The following GSE1 variants were observed in gnomAD, a reference collection of about 807,000 sequenced individuals.
GSE1 encodes Gse1 coiled-coil protein.
Under a neutral mutation model 112.6 loss-of-function variants are expected in GSE1, and 32 were observed. That is an observed-to-expected ratio of 0.28 (90% CI 0.21 to 0.38). The LOEUF (loss-of-function observed/expected upper bound fraction) is 0.38. Among genes scored for constraint, GSE1 ranks in the 10% least tolerant of loss-of-function variants. The probability of loss-of-function intolerance (pLI) is 1.00; values close to 1 mark genes in which losing one functional copy is unlikely to be tolerated. For synonymous variants in GSE1, 1,115 were observed against 735.6 expected (o/e 1.52, Z -8.35); for missense variants, 2,348 against 1,699.2 (o/e 1.38, Z -6.71).
intron 1 of GSE1, among the ~76,000 whole-genome samples, chr16:85,324,343 C>G (rs1052909334): frequency 2.6e-5 from 4 of 152,088 alleles, no homozygotes; most frequent in African/African-American, 9.7e-5. Flanking sequence ...AACCCCGTCT[C>G]TACTAAAAAT....
chr16:85,617,397 C>G (rs1330303722), intron 1 of GSE1, among the ~76,000 whole-genome samples: 1 of 152,186 alleles, frequency 6.6e-6, no homozygotes, highest in Non-Finnish European at 1.5e-5. Context: ...GCACTTGAGG[C>G]TTTTGTGGGT....
intron 1 of GSE1, among the ~76,000 whole-genome samples, chr16:85,300,385 G>A (rs534969038): frequency 9.2e-5 from 14 of 152,290 alleles, no homozygotes; most frequent in East Asian, 3.9e-4. Context: ...TGTCACCGCC[G>A]TCTAGTTCCC....
At chr16:85,499,668 T>C (rs1381448995) in intron 2 of GSE1, among the ~76,000 whole-genome samples, 1 of 152,182 alleles carries the variant, frequency 6.6e-6, no homozygotes, top group East Asian at 1.9e-4. Flanking sequence ...ACTGTGCACT[T>C]AGAAATGGCA....
chr16:85,466,747 G>C (rs905238720), intron 2 of GSE1, among the ~76,000 whole-genome samples: 6 of 152,212 alleles, frequency 3.9e-5, no homozygotes, highest in African/African-American at 1.4e-4. Context: ...GCGCACAAGA[G>C]AGCAAGAGAG....
intron 1 of GSE1, among the ~76,000 whole-genome samples, chr16:85,316,201 C>T (rs1439893286): frequency 6.6e-6 from 1 of 152,230 alleles, no homozygotes; most frequent in Non-Finnish European, 1.5e-5. Context: ...TTCCTACTAG[C>T]CACGCTTTTA....
chr16:85,170,477 C>A (rs578182204), exon 1 of GSE1: 4 of 985,476 alleles, frequency 4.1e-6, no homozygotes, highest in Non-Finnish European at 3.6e-6. Context: ...GGCTTCTGCA[C>A]CTCCGAGGAC....
chr16:85,442,787 C>T (rs959823506), intron 2 of GSE1, among the ~76,000 whole-genome samples: 1 of 152,170 alleles, frequency 6.6e-6, no homozygotes, highest in Non-Finnish European at 1.5e-5. Flanking sequence ...CCACAAATGC[C>T]GTGGTTGGAA....
chr16:85,482,500 TC>T (rs35856605), intron 2 of GSE1, among the ~76,000 whole-genome samples: 2 of 148,220 alleles, frequency 1.3e-5, no homozygotes, highest in Admixed American at 6.8e-5. Flanking sequence ...GTGACTCAGT[TC>T]CCCCCCCAAA....
chr16:85,180,645 A>G (rs1214172293), intron 1 of GSE1, among the ~76,000 whole-genome samples: 1 of 152,158 alleles, frequency 6.6e-6, no homozygotes, highest in Admixed American at 6.5e-5. Flanking sequence ...CAGAGAGGTT[A>G]AGTCACTTGC....
At chr16:85,657,238 C>A in intron 7 of GSE1, 39 bp from the exon 8 acceptor site, 1 of 1,404,602 alleles carries the variant, frequency 7.1e-7, no homozygotes, top group Non-Finnish European at 9.7e-7. Flanking sequence ...TGCTGGCCCA[C>A]GTGGCTGAGA....
At chr16:85,340,568 G>A (rs1392338093) in intron 1 of GSE1, among the ~76,000 whole-genome samples, 4 of 152,168 alleles carry the variant, frequency 2.6e-5, no homozygotes, top group Non-Finnish European at 1.5e-5. Flanking sequence ...TTGAACCCGG[G>A]AGGAAGAGGT....
intron 2 of GSE1, among the ~76,000 whole-genome samples, chr16:85,639,450 A>G (rs570934957): frequency 1.3e-5 from 2 of 152,152 alleles, no homozygotes; most frequent in East Asian, 3.9e-4. Context: ...CCTGTGTCCC[A>G]CCCCCTGCGC....
At chr16:85,334,897 C>CG (rs1224513031) in intron 1 of GSE1, among the ~76,000 whole-genome samples, 4 of 152,038 alleles carry the variant, frequency 2.6e-5, no homozygotes, top group African/African-American at 9.7e-5. Context: ...CGGAAGAGAG[C>CG]TGCTCCAACA....
At chr16:85,425,696 G>T (rs1567476695) in intron 2 of GSE1, among the ~76,000 whole-genome samples, 1 of 150,486 alleles carries the variant, frequency 6.6e-6, no homozygotes, top group Admixed American at 6.6e-5. Flanking sequence ...CTTACCCATC[G>T]CACTGAGCAG....
At chr16:85,284,498 C>T (rs1385739802) in intron 1 of GSE1, among the ~76,000 whole-genome samples, 1 of 152,224 alleles carries the variant, frequency 6.6e-6, no homozygotes, top group East Asian at 1.9e-4. Context: ...CCCAGGCCCC[C>T]AGGACTCTGT....
intron 1 of GSE1, among the ~76,000 whole-genome samples, chr16:85,176,508 G>A (rs771693779): frequency 3.9e-5 from 6 of 152,248 alleles, no homozygotes; most frequent in East Asian, 1.9e-4. Context: ...GGTCTTAGCC[G>A]GCACCTTCCT....
intron 1 of GSE1, among the ~76,000 whole-genome samples, chr16:85,331,685 GTATATA>G (rs1205625835): frequency 6.8e-5 from 3 of 44,262 alleles, no homozygotes; most frequent in African/African-American, 1.1e-4. Context: ...GTGTGTGTGT[GTATATA>G]TATATATATA....
At chr16:85,635,352 G>A (rs759771463) in intron 2 of GSE1, among the ~76,000 whole-genome samples, 8 of 152,148 alleles carry the variant, frequency 5.3e-5, no homozygotes, top group Admixed American at 6.5e-5. Context: ...AGGCAGGACC[G>A]CCAGAAAACC....
At chr16:85,528,093 G>C (rs2052419946) in intron 2 of GSE1, among the ~76,000 whole-genome samples, 1 of 152,246 alleles carries the variant, frequency 6.6e-6, no homozygotes, top group Non-Finnish European at 1.5e-5. Context: ...CCTGCAAACA[G>C]GGAGGAGGCC....
Sources: allele counts gnomAD v4.1 joint callset (sites outside exome capture counted in the v4.1 genomes callset), GRCh38; gene constraint gnomAD v4.1.1; transcripts MANE v1.5; gene names NCBI Gene and HGNC (gene_info 2026-07-23, HGNC 2026-07-21).